The following RNF216 variants were observed in gnomAD, a reference collection of about 807,000 sequenced individuals.
RNF216 encodes ring finger protein 216, also known as E3 ubiquitin-protein ligase RNF216.
A neutral mutation model predicts 110.8 loss-of-function variants in RNF216; 72 were observed. The ratio of observed to expected loss-of-function variants is 0.65; its 90% CI spans 0.54 to 0.79. RNF216 has a LOEUF of 0.79. RNF216 is among the 30% of genes least tolerant of loss of function. The pLI is 0.00. For missense variants in RNF216, 1,342 were observed against 1,141.2 expected, an observed-to-expected ratio of 1.18 and a Z score of -2.54; for synonymous variants, 495 against 407.5, an observed-to-expected ratio of 1.21 and a Z score of -2.59.
At chr7:5,687,454 A>G (rs1218879708) in intron 13 of RNF216, among the ~76,000 whole-genome samples, 1 of 151,948 alleles carries the variant, frequency 6.6e-6, no homozygotes, top group Non-Finnish European at 1.5e-5. Context: ...TTAAGGGGAC[A>G]TGATGTGGGA....
chr7:5,752,493 C>A (rs1795383870), intron 3 of RNF216, among the ~76,000 whole-genome samples: 1 of 151,952 alleles, frequency 6.6e-6, no homozygotes, highest in African/African-American at 2.4e-5. Context: ...ATTGTAAAAT[C>A]CATATAAAAA....
At chr7:5,749,642 G>C (rs1053792641) in intron 3 of RNF216, among the ~76,000 whole-genome samples, 4 of 152,096 alleles carry the variant, frequency 2.6e-5, no homozygotes, top group African/African-American at 7.2e-5. Context: ...CAGTTATTTT[G>C]TTCTGACACT....
At chr7:5,632,448 G>A (rs1444758082) in intron 15 of RNF216, among the ~76,000 whole-genome samples, 1 of 152,234 alleles carries the variant, frequency 6.6e-6, no homozygotes, top group Non-Finnish European at 1.5e-5. Flanking sequence ...AGGCTGAGGT[G>A]AGAGGGAGTG....
chr7:5,690,884 C>T (rs1274481954), intron 13 of RNF216, among the ~76,000 whole-genome samples: 2 of 152,178 alleles, frequency 1.3e-5, no homozygotes, highest in Admixed American at 6.5e-5. Context: ...GTAAAATGTA[C>T]ACATTCATCA....
intron 5 of RNF216, among the ~76,000 whole-genome samples, chr7:5,735,408 C>G (rs1794337773): frequency 6.6e-6 from 1 of 151,966 alleles, no homozygotes; most frequent in African/African-American, 2.4e-5. Flanking sequence ...AACAATCAAA[C>G]TCACAGAGAA....
chr7:5,722,848 C>T (rs533201464), intron 8 of RNF216, among the ~76,000 whole-genome samples: 1 of 151,814 alleles, frequency 6.6e-6, no homozygotes, highest in African/African-American at 2.4e-5. Context: ...ATGGTGAAAC[C>T]CCCCAGGCAT....
At position 5,739,428 on chromosome 7, in the gene RNF216, A is replaced by G; in HGVS notation, c.1045-76T>C. ...AAATGGCAATACAAGACAGATGGCA[A>G]AAAGTATAATAAAATGACTAAAGAC... On this transcript the variant is annotated intron_variant, in intron 4 of 16. Transcript: ENST00000389902. 4 of 1,404,822 alleles carry G rather than the reference A, an allele frequency of 2.8e-6. 1 individual carries two copies. In the South Asian group the frequency reaches 4.8e-5, roughly 17 times the overall value. 87.0% of individuals were successfully genotyped at this position (1,404,822 alleles called of 1,614,324 possible).
intron 15 of RNF216, among the ~76,000 whole-genome samples, chr7:5,627,552 CCTGG>C (rs1786789225): frequency 6.6e-6 from 1 of 152,042 alleles, no homozygotes; most frequent in African/African-American, 2.4e-5. Context: ...TAGAGATCAT[CCTGG>C]CTAACACGGT....
At chr7:5,647,704 T>C (rs1399828875) in intron 14 of RNF216, among the ~76,000 whole-genome samples, 1 of 152,202 alleles carries the variant, frequency 6.6e-6, no homozygotes, top group East Asian at 1.9e-4. Context: ...GCTAGAAGCC[T>C]GAGAATCATT....
At chr7:5,657,539 C>G (rs1434987225) in intron 13 of RNF216, among the ~76,000 whole-genome samples, 1 of 151,900 alleles carries the variant, frequency 6.6e-6, no homozygotes, top group Non-Finnish European at 1.5e-5. Context: ...TGCACTCCAG[C>G]CTGGGCAACA....
intron 14 of RNF216, among the ~76,000 whole-genome samples, chr7:5,644,894 G>GGCTCACT (rs1787963269): frequency 1.4e-5 from 2 of 144,526 alleles, no homozygotes; most frequent in South Asian, 4.3e-4. Flanking sequence ...GTGTGATCTT[G>GGCTCACT]GCTCACTGCA....
At chr7:5,642,981 A>G (rs1484103933) in intron 14 of RNF216, among the ~76,000 whole-genome samples, 1 of 152,040 alleles carries the variant, frequency 6.6e-6, no homozygotes, top group Non-Finnish European at 1.5e-5. Context: ...TAAAGAATTA[A>G]GGTTACAGTC....
At chr7:5,642,136 G>A (rs1787773151) in intron 14 of RNF216, among the ~76,000 whole-genome samples, 1 of 150,612 alleles carries the variant, frequency 6.6e-6, no homozygotes. Context: ...AGTCACCTCT[G>A]TAGTACATCC....
At chr7:5,672,322 G>C (rs1432272727) in intron 13 of RNF216, among the ~76,000 whole-genome samples, 1 of 152,208 alleles carries the variant, frequency 6.6e-6, no homozygotes, top group African/African-American at 2.4e-5. Context: ...TAATCTTGTA[G>C]TTATATCAGT....
chr7:5,739,132 T>C lies in RNF216; in HGVS notation c.1121+144A>G, dbSNP rs530156124. 17 of 964,264 alleles carry C rather than the reference T, an allele frequency of 1.8e-5. No individual in the cohort carries two copies. In the South Asian group the frequency reaches 1.8e-4, roughly 10 times the overall value. 59.7% of individuals were successfully genotyped at this position (964,264 alleles called of 1,614,324 possible). On this transcript the variant is annotated intron_variant, in intron 5 of 16. Coordinates refer to ENST00000389902, the MANE Select transcript of RNF216 (RefSeq NM_207111.4). Reference sequence around the variant, plus strand: ...AAGATGAAAGAGTTCTGAAGATGGATGGTGGTGATAGTTGCATAATAATGT... The same window carrying C: ...AAGATGAAAGAGTTCTGAAGATGGACGGTGGTGATAGTTGCATAATAATGT...
intron 1 of RNF216, among the ~76,000 whole-genome samples, chr7:5,779,214 C>G (rs977613175): frequency 6.6e-6 from 1 of 152,184 alleles, no homozygotes; most frequent in African/African-American, 2.4e-5. Context: ...TCCTATTCAT[C>G]AACTTTCGAT....
rs1404450303 is a variant in RNF216, at chr7:5,725,437, G to A, written c.1391C>T (p.Ala464Val). The change falls in exon 8 of 17, where the codon GCC becomes GTC. Residue 464 changes from alanine (A) to valine (V), a missense_variant and splice_region_variant. Coordinates refer to ENST00000389902, the MANE Select transcript of RNF216 (RefSeq NM_207111.4). ...LKGHYAITRKALSDAIKKWQE... is the reference protein window; with the variant it reads ...LKGHYAITRKVLSDAIKKWQE... ...CCATTTTTTAATGGCATCAGACAAG[G>A]CCTAAAAATTGAGAAAAGGAAAGGT... The A allele has an allele frequency of 1.3e-6, 2 of 1,576,500 alleles. No individual in the cohort carries two copies. The highest frequency in any genetic ancestry group is 3.4e-5 in the Admixed American group (2 of 58,342).
At position 5,666,034 on chromosome 7, in the gene RNF216, C is replaced by G. The variant is rs894283902; in HGVS notation, c.2062-13524G>C. On this transcript the variant is annotated intron_variant, in intron 13 of 16. Transcript: ENST00000389902. ...CAAAAAAATTAGCCGGGCGTGGTGG[C>G]GGGCGCCTGTAGTCCCAGCTACTCG... Among the ~76,000 whole-genome samples the G allele has an allele frequency of 2.0e-5, 3 of 152,058 alleles. No homozygotes were observed. The East Asian group carries it at 5.8e-4, about 29-fold the overall frequency.
At chr7:5,740,157 C>T (rs1170533176) in intron 4 of RNF216, among the ~76,000 whole-genome samples, 2 of 137,554 alleles carry the variant, frequency 1.5e-5, no homozygotes, top group East Asian at 2.1e-4. Flanking sequence ...GATAGAGTCT[C>T]ACTCTGTCGC....
Sources: allele counts gnomAD v4.1 joint callset (sites outside exome capture counted in the v4.1 genomes callset), GRCh38; gene constraint gnomAD v4.1.1; transcripts MANE v1.5; gene names NCBI Gene and HGNC (gene_info 2026-07-23, HGNC 2026-07-21).